LHFPL3: variants seen among roughly 807,000 people sequenced by gnomAD.
LHFPL3 encodes LHFPL tetraspan subfamily member 3 protein.
Under a neutral mutation model 19.3 loss-of-function variants are expected in LHFPL3, and 5 were observed. The ratio of observed to expected loss-of-function variants is 0.26; its 90% CI spans 0.14 to 0.54. The LOEUF (loss-of-function observed/expected upper bound fraction) is 0.54. Among genes scored for constraint, LHFPL3 ranks in the 20% least tolerant of loss-of-function variants. The pLI is 0.94. For synonymous variants in LHFPL3, 133 were observed against 126.2 expected, an observed-to-expected ratio of 1.05 and a Z score of -0.36; for missense variants, 249 against 307.4, an observed-to-expected ratio of 0.81 and a Z score of 1.42.
chr7:104,686,129 A>C (rs1792800014), intron 1 of LHFPL3, among the ~76,000 whole-genome samples: 1 of 152,156 alleles, frequency 6.6e-6, no homozygotes, highest in Admixed American at 6.5e-5. Context: ...TAGTAAGGGG[A>C]ACTTAGGCAC....
At chr7:104,774,305 C>A (rs1367513468) in intron 2 of LHFPL3, among the ~76,000 whole-genome samples, 3 of 152,178 alleles carry the variant, frequency 2.0e-5, no homozygotes, top group Non-Finnish European at 4.4e-5. Flanking sequence ...TCGCTCTGTT[C>A]CAGGCATGGT....
At chr7:104,548,143 G>T (rs1188791120) in intron 1 of LHFPL3, among the ~76,000 whole-genome samples, 1 of 152,068 alleles carries the variant, frequency 6.6e-6, no homozygotes, top group Non-Finnish European at 1.5e-5. Context: ...AAAATATGAA[G>T]CAAAATGTCT....
At chr7:104,888,473 T>G (rs1235089355) in intron 2 of LHFPL3, among the ~76,000 whole-genome samples, 2 of 152,236 alleles carry the variant, frequency 1.3e-5, no homozygotes, top group Non-Finnish European at 2.9e-5. Context: ...GAGGTTGCAC[T>G]GAGCTATGAT....
chr7:104,882,633 G>A lies in LHFPL3; in HGVS notation c.683-23554G>A, dbSNP rs888155121. Among the ~76,000 whole-genome samples the A allele has an allele frequency of 3.9e-5, 6 of 152,274 alleles. 1 individual carries two copies. The highest frequency in any genetic ancestry group is 1.4e-4 in the African/African-American group (6 of 41,552). ...ATCTTAGTGGTATCCAGGGCCTGAGGGGAGTGGAGAATGGTGAGTGACTGA... is the reference window on the plus strand; with the variant it reads ...ATCTTAGTGGTATCCAGGGCCTGAGAGGAGTGGAGAATGGTGAGTGACTGA... On this transcript the variant is annotated intron_variant, in intron 2 of 2. Coordinates refer to ENST00000424859, the MANE Select transcript of LHFPL3 (RefSeq NM_199000.3).
chr7:104,793,084 C>T (rs957028767), intron 2 of LHFPL3, among the ~76,000 whole-genome samples: 1 of 152,048 alleles, frequency 6.6e-6, no homozygotes, highest in Non-Finnish European at 1.5e-5. Flanking sequence ...TTGGTAGAGA[C>T]GGGGTTCCAC....
chr7:104,902,655 G>A (rs558345305), intron 2 of LHFPL3, among the ~76,000 whole-genome samples: 7 of 152,200 alleles, frequency 4.6e-5, no homozygotes, highest in South Asian at 4.1e-4. Flanking sequence ...GCATGGTGGC[G>A]CATACCTGTA....
intron 2 of LHFPL3, among the ~76,000 whole-genome samples, chr7:104,741,020 T>C (rs1472597983): frequency 6.6e-6 from 1 of 152,202 alleles, no homozygotes. Flanking sequence ...TCACAGAGTC[T>C]TTAGATGAAA....
At chr7:104,368,697 T>G (rs888753087) in intron 1 of LHFPL3, among the ~76,000 whole-genome samples, 23 of 151,880 alleles carry the variant, frequency 1.5e-4, no homozygotes, top group African/African-American at 5.3e-4. Flanking sequence ...GTTTTGTTTT[T>G]GTCTGCATGG....
chr7:104,522,707 T>A (rs1029151865), intron 1 of LHFPL3, among the ~76,000 whole-genome samples: 2 of 152,136 alleles, frequency 1.3e-5, no homozygotes, highest in African/African-American at 4.8e-5. Flanking sequence ...TTCTTGCCAT[T>A]TGTCCTGTGC....
intron 1 of LHFPL3, among the ~76,000 whole-genome samples, chr7:104,483,096 T>C (rs892958549): frequency 9.2e-5 from 14 of 152,200 alleles, no homozygotes; most frequent in African/African-American, 3.1e-4. Flanking sequence ...CCAAAATGGA[T>C]GGAAGTCACT....
At chr7:104,415,872 CAG>C (rs1489481042) in intron 1 of LHFPL3, among the ~76,000 whole-genome samples, 1 of 152,168 alleles carries the variant, frequency 6.6e-6, no homozygotes, top group Non-Finnish European at 1.5e-5. Flanking sequence ...AATCAGGTCA[CAG>C]AGCATGAAGT....
chr7:104,569,527 C>T (rs890911313), intron 1 of LHFPL3, among the ~76,000 whole-genome samples: 2 of 152,008 alleles, frequency 1.3e-5, no homozygotes, highest in South Asian at 2.1e-4. Flanking sequence ...ATTTACAATA[C>T]GATGTTATGG....
At chr7:104,823,757 T>G (rs1790723623) in intron 2 of LHFPL3, among the ~76,000 whole-genome samples, 1 of 152,060 alleles carries the variant, frequency 6.6e-6, no homozygotes, top group Non-Finnish European at 1.5e-5. Context: ...GTACACAAAG[T>G]ACAAACTGTA....
intron 1 of LHFPL3, among the ~76,000 whole-genome samples, chr7:104,667,155 G>GT (rs780923529): frequency 3.9e-4 from 58 of 150,404 alleles, no homozygotes; most frequent in Middle Eastern, 3.4e-3. Context: ...CACCAGCATG[G>GT]TTTTTTTTTC....
chr7:104,603,066 T>TTTTTC, intron 1 of LHFPL3, among the ~76,000 whole-genome samples: 1 of 108,958 alleles, frequency 9.2e-6, no homozygotes, highest in South Asian at 3.4e-4. Context: ...CTTTCTTTCT[T>TTTTTC]TTTCTTTCTT....
At chr7:104,502,270 G>A (rs1179891962) in intron 1 of LHFPL3, among the ~76,000 whole-genome samples, 2 of 152,082 alleles carry the variant, frequency 1.3e-5, no homozygotes, top group Non-Finnish European at 2.9e-5. Flanking sequence ...GTTAAAATTT[G>A]TTGTCTTTGT....
chr7:104,645,246 A>C (rs1791910641), intron 1 of LHFPL3, among the ~76,000 whole-genome samples: 1 of 152,086 alleles, frequency 6.6e-6, no homozygotes, highest in South Asian at 2.1e-4. Flanking sequence ...GCATTTCTCC[A>C]ACTCTGTTTT....
chr7:104,816,827 G>A (rs1337466435), intron 2 of LHFPL3, among the ~76,000 whole-genome samples: 3 of 152,172 alleles, frequency 2.0e-5, no homozygotes, highest in Non-Finnish European at 2.9e-5. Flanking sequence ...TGGCCTCCTA[G>A]CCTCGGGCTG....
At chr7:104,623,521 T>C (rs952926030) in intron 1 of LHFPL3, among the ~76,000 whole-genome samples, 1 of 115,584 alleles carries the variant, frequency 8.7e-6, no homozygotes, top group East Asian at 2.4e-4. Context: ...TCCCAGCTAC[T>C]TGGGAGGCTG....
Sources: gnomAD v4.1 joint callset for allele counts (sites outside exome capture counted in the v4.1 genomes callset) on GRCh38, gnomAD v4.1.1 for gene constraint, MANE v1.5 for transcripts, NCBI Gene and HGNC (gene_info 2026-07-23, HGNC 2026-07-21) for gene names.